BPIFB4: variants seen among roughly 807,000 people sequenced by gnomAD.
BPIFB4 encodes the protein BPI fold containing family B member 4.
BPIFB4 carries 62 observed loss-of-function variants against 69.2 expected under a neutral mutation model. The ratio of observed to expected loss-of-function variants is 0.90; its 90% CI spans 0.73 to 1.11. BPIFB4 has a LOEUF of 1.11. BPIFB4 is among the 50% of genes least tolerant of loss of function. BPIFB4 has a pLI of 0.00. For synonymous variants in BPIFB4, 330 were observed against 332.7 expected (o/e 0.99, Z 0.09); for missense variants, 789 against 792.0 (o/e 1.00, Z 0.04).
intron 13 of BPIFB4, among the ~76,000 whole-genome samples, chr20:33,099,951 G>A (rs527466014): frequency 6.6e-6 from 1 of 151,972 alleles, no homozygotes; most frequent in Non-Finnish European, 1.5e-5. Flanking sequence ...GATGAGCCTG[G>A]GCCTTTTATA....
rs56030970 is a variant in BPIFB4, at chr20:33,087,753, C to CACACACACACACACACACACACAA, written c.927-1212_927-1211insCACACACACACACACACACACAAA. Reference sequence around the variant, plus strand: ...ACACACACACACACACACACACACACAAGCATGCATGCATACACACACATA... The same window carrying CACACACACACACACACACACACAA: ...ACACACACACACACACACACACACACACACACACACACACACACACACAAAAGCATGCATGCATACACACACATA... On this transcript the variant is annotated intron_variant, in intron 7 of 17. Coordinates refer to ENST00000375483, the MANE Select transcript of BPIFB4 (RefSeq NM_182519.3). Among the ~76,000 whole-genome samples, 528 of 140,832 alleles carry CACACACACACACACACACACACAA rather than the reference C, an allele frequency of 3.7e-3. 8 individuals are homozygous for CACACACACACACACACACACACAA. The highest frequency in any genetic ancestry group is 8.1e-3 in the African/African-American group (300 of 37,052). The allele number at this position is 140,832 out of a possible 152,430, so 92.4% of individuals were successfully genotyped here.
intron 7 of BPIFB4, 97 bp from the exon 8 acceptor site, chr20:33,088,869 C>CT: frequency 6.3e-7 from 1 of 1,583,822 alleles, no homozygotes; most frequent in South Asian, 1.2e-5. Flanking sequence ...GAGGTTCTCA[C>CT]TGTTCAGAGC....
chr20:33,083,849 C>G lies in BPIFB4; in HGVS notation c.652C>G (p.Leu218Val). ...VLGVLGEGGI[L>V]STVQGITGLR... ...GGGCGTGCTCGGCGAGGGTGGCATC[C>G]TCAGCACTGTGCAAGGCATCACGGG... is the stretch of plus-strand genomic sequence containing the variant. Residue 218 changes from leucine (L) to valine (V), a missense_variant, in exon 5 of 18, where the codon CTC becomes GTC. Physicochemically the swap from Leu to Val is conservative, Grantham distance 32. Transcript: ENST00000375483. 1 of 1,613,192 alleles carries G rather than the reference C, an allele frequency of 6.2e-7. No individual in the cohort carries two copies. Among genetic ancestry groups the G allele is most frequent in the Non-Finnish European group, 8.5e-7 (1 of 1,179,764 alleles).
At position 33,083,841 on chromosome 20, in the gene BPIFB4, G is replaced by A; in HGVS notation, c.644G>A (p.Gly215Asp). 6.2e-7 allele frequency: 1 copy of A among 1,613,322 alleles called. No individual in the cohort carries two copies. Among genetic ancestry groups the A allele is most frequent in the Non-Finnish European group, 8.5e-7 (1 of 1,179,714 alleles). The change falls in exon 5 of 18, where the codon GGT becomes GAT. Residue 215 changes from glycine to aspartate, a missense_variant. By Grantham distance (94) the Gly-to-Asp change is moderately conservative. Coordinates refer to ENST00000375483, the MANE Select transcript of BPIFB4 (RefSeq NM_182519.3). ...GGGVLGVLGEGGILSTVQGIT... is the reference protein window; with the variant it reads ...GGGVLGVLGEDGILSTVQGIT... ...GGTGTCCTGGGCGTGCTCGGCGAGG[G>A]TGGCATCCTCAGCACTGTGCAAGGC...
intron 3 of BPIFB4, 77 bp downstream of exon 3, chr20:33,081,709 A>G: frequency 6.6e-7 from 1 of 1,525,204 alleles, no homozygotes; most frequent in Non-Finnish European, 8.9e-7. Flanking sequence ...GTACCCAGGA[A>G]CCTCCTCCTG....
intron 5 of BPIFB4, 139 bp from the exon 6 acceptor site, chr20:33,084,753 T>C (rs1981366461): frequency 2.1e-6 from 3 of 1,435,244 alleles, no homozygotes; most frequent in Non-Finnish European, 1.8e-6. Context: ...CATTCTGTCC[T>C]TGAACTGCAG....
intron 9 of BPIFB4, among the ~76,000 whole-genome samples, chr20:33,090,198 T>C (rs1000493677): frequency 1.3e-5 from 2 of 152,240 alleles, no homozygotes; most frequent in African/African-American, 4.8e-5. Context: ...CCGTCTCTGA[T>C]AGTGTTCCCA....
At chr20:33,083,121 GT>G in intron 4 of BPIFB4, 121 bp downstream of exon 4, 1 of 896,744 alleles carries the variant, frequency 1.1e-6, no homozygotes, top group Non-Finnish European at 1.7e-6. Flanking sequence ...GGTGGAGGGG[GT>G]GGCAGTGATC....
Position 33,081,580 on chromosome 20 carries a change from C to T in BPIFB4, c.54C>T (p.Thr18=), listed in dbSNP as rs1380996098. The stretch of plus-strand genomic sequence containing the variant: ...TGTCTGTGGTGGCTGTGTGTGGCAC[C>T]AGCCACGAGACAAACACGGTCCTCA... The part of the protein sequence containing the change: ...AALSVVAVCG[T]SHETNTVLRV... The change falls in exon 3 of 18, where the codon ACC becomes ACT. Residue 18 remains threonine (T), a synonymous_variant. Coordinates refer to ENST00000375483, the MANE Select transcript of BPIFB4 (RefSeq NM_182519.3). 1.3e-6 allele frequency: 2 copies of T among 1,551,628 alleles called. No homozygotes were observed.
intron 10 of BPIFB4, 106 bp downstream of exon 10, chr20:33,090,905 T>G: frequency 7.4e-7 from 1 of 1,346,600 alleles, no homozygotes; most frequent in Non-Finnish European, 1.0e-6. Flanking sequence ...GAAGTAACAC[T>G]TGACAGGACC....
chr20:33,081,288 T>C (rs1313547602), intron 2 of BPIFB4, among the ~76,000 whole-genome samples: 1 of 152,246 alleles, frequency 6.6e-6, no homozygotes, highest in Non-Finnish European at 1.5e-5. Flanking sequence ...AAACAGTGTG[T>C]TTAATGGGTC....
chr20:33,081,525 G>A lies in BPIFB4; in HGVS notation c.-2G>A, dbSNP rs1177585144. ...TCTCCTCCACAGGGAAGCAGTGCCA[G>A]CATGTGGATGGCCTGGTGTGTGGCT... On this transcript the variant is annotated 5_prime_UTR_variant, in exon 3 of 18. Transcript: ENST00000375483. The A allele has an allele frequency of 9.7e-6, 15 of 1,551,686 alleles. No homozygotes were observed. Among genetic ancestry groups the A allele is most frequent in the Non-Finnish European group, 1.3e-5 (15 of 1,147,008 alleles).
rs138732736 is a variant in BPIFB4 at position 33,107,812 on chromosome 20, G to T, written c.1813G>T (p.Val605Leu). The T allele has an allele frequency of 1.2e-6, 2 of 1,613,798 alleles. No homozygotes were observed. Among genetic ancestry groups the T allele is most frequent in the South Asian group, 1.1e-5 (1 of 91,082 alleles). ...CGACTTTAGCAATGCAGACATTGACGTGTTGGAGGTAAGAGGAGATCGAGC... is the reference window on the plus strand; with the variant it reads ...CGACTTTAGCAATGCAGACATTGACTTGTTGGAGGTAAGAGGAGATCGAGC... Reference protein sequence around the residue: ...NIDFSNADIDVLEDLLVLSA With the variant: ...NIDFSNADIDLLEDLLVLSA Residue 605 changes from valine (V) to leucine (L), a missense_variant, in exon 17 of 18, where the codon GTG becomes TTG. By Grantham distance (32) the Val-to-Leu change is conservative. Transcript: ENST00000375483.
chr20:33,108,278 A>G (rs923148607), intron 17 of BPIFB4, among the ~76,000 whole-genome samples: 17 of 151,986 alleles, frequency 1.1e-4, no homozygotes, highest in African/African-American at 3.9e-4. Context: ...TCCCGAAGTA[A>G]TTGGCTAATT....
chr20:33,083,534 G>A lies in BPIFB4; in HGVS notation c.337G>A (p.Gly113Arg). ...ATATGGTGAGATCCTTGAGTCCGAG[G>A]GAAGCATCAGGGACCTCCGAAACAG... ...YRYGEILESE[G>R]SIRDLRNSGY... Residue 113 changes from glycine (G) to arginine (R), a missense_variant, in exon 5 of 18, where the codon GGA becomes AGA. Gly to Arg is a moderately radical substitution (Grantham distance 125, BLOSUM62 -2). Coordinates refer to ENST00000375483, the MANE Select transcript of BPIFB4 (RefSeq NM_182519.3). 1 of 1,614,028 alleles carries A rather than the reference G, an allele frequency of 6.2e-7. No individual in the cohort carries two copies. Among genetic ancestry groups the A allele is most frequent in the Non-Finnish European group, 8.5e-7 (1 of 1,179,976 alleles).
chr20:33,094,759 C>T (rs867112668), intron 11 of BPIFB4, among the ~76,000 whole-genome samples: 59 of 152,188 alleles, frequency 3.9e-4, no homozygotes, highest in African/African-American at 1.3e-3. Context: ...CCACCTGCCT[C>T]GGCCTCCCAA....
At position 33,109,880 on chromosome 20, in the gene BPIFB4, G is replaced by A. The variant is rs559400039; in HGVS notation, c.1822-1534G>A. ...CCAGGCTTGACCCTGTAGGCCCCCT[G>A]TAAATGGCAGCTGCTATTATTATTA... On this transcript the variant is annotated intron_variant, in intron 17 of 17. Coordinates refer to ENST00000375483, the MANE Select transcript of BPIFB4 (RefSeq NM_182519.3). Among the ~76,000 whole-genome samples, 10 of 152,252 alleles carry A rather than the reference G, an allele frequency of 6.6e-5. No individual in the cohort carries two copies. In the East Asian group the frequency reaches 1.9e-3, roughly 29 times the overall value.
At chr20:33,111,393 T>C in intron 17 of BPIFB4, 21 bp from the exon 18 acceptor site, 1 of 1,613,974 alleles carries the variant, frequency 6.2e-7, no homozygotes, top group Non-Finnish European at 8.5e-7. Flanking sequence ...CATCACCGGC[T>C]ACTCTGTTCT....
At position 33,111,499 on chromosome 20, in the gene BPIFB4, G is replaced by T; in HGVS notation, c.*62G>T. On this transcript the variant is annotated 3_prime_UTR_variant, in exon 18 of 18. Coordinates refer to ENST00000375483, the MANE Select transcript of BPIFB4 (RefSeq NM_182519.3). ...GCTGGAACCAGTCCCAGAGAGGCTC[G>T]GCCTGGAAACAGTCCCCTGCCCAGA... is the stretch of plus-strand genomic sequence containing the variant. 1 of 1,602,516 alleles carries T rather than the reference G, an allele frequency of 6.2e-7. No homozygotes were observed. The highest frequency in any genetic ancestry group is 8.5e-7 in the Non-Finnish European group (1 of 1,171,242).
Sources: allele counts gnomAD v4.1 joint callset (sites outside exome capture counted in the v4.1 genomes callset), GRCh38; gene constraint gnomAD v4.1.1; transcripts MANE v1.5; gene names NCBI Gene and HGNC (gene_info 2026-07-23, HGNC 2026-07-21).